Variants in OSBPL11 observed in about 807,000 individuals in gnomAD.
The protein encoded by OSBPL11 is oxysterol-binding protein-related protein 11.
OSBPL11 carries 33 observed loss-of-function variants against 84.4 expected under a neutral mutation model. The ratio of observed to expected loss-of-function variants is 0.39; its 90% CI spans 0.30 to 0.52. OSBPL11 has a LOEUF of 0.52. Among genes scored for constraint, OSBPL11 ranks in the 20% least tolerant of loss-of-function variants. The pLI, the probability that OSBPL11 is intolerant of heterozygous loss-of-function variation, is 0.72. For synonymous variants in OSBPL11, 276 were observed against 310.2 expected (o/e 0.89, Z 1.16); for missense variants, 736 against 901.1 (o/e 0.82, Z 2.35).
intron 10 of OSBPL11, among the ~76,000 whole-genome samples, chr3:125,544,905 AT>A (rs1341213334): frequency 6.6e-6 from 1 of 152,262 alleles, no homozygotes; most frequent in East Asian, 1.9e-4. Flanking sequence ...TAAATCTTAC[AT>A]TCTTGTCCCA....
In OSBPL11 at chr3:125,538,603, G is replaced by A. The variant is rs1203059361; in HGVS notation, c.1872C>T (p.Thr624=). 1.2e-6 allele frequency: 2 copies of A among 1,611,370 alleles called. No individual in the cohort carries two copies. The highest frequency in any genetic ancestry group is 2.2e-5 in the East Asian group (1 of 44,762). ...RVTAEVKHNI[T]NTVVCRVQGE... ...CTTGCACTCTGCATACCACAGTGTT[G>A]GTGATGTTGTGCTTTACTTCAGCTG... Residue 624 remains threonine, a synonymous_variant, in exon 11 of 13, where the codon ACC becomes ACT. Transcript: ENST00000296220.
In OSBPL11 at chr3:125,578,984, C is replaced by T; in HGVS notation, c.465G>A (p.Gln155=). The change falls in exon 4 of 13, where the codon CAG becomes CAA. Residue 155 remains glutamine, a synonymous_variant. Transcript: ENST00000296220. ...HWVSRLQICT[Q]HHTEAIGKNN... ...CCTTTCCAATAGCTTCAGTATGATG[C>T]TGTGTACATATCTGAAGTCTGCTAA... The T allele has an allele frequency of 1.3e-6, 2 of 1,588,468 alleles. No homozygotes were observed. Among genetic ancestry groups the T allele is most frequent in the Non-Finnish European group, 8.6e-7 (1 of 1,166,032 alleles).
At chr3:125,577,753 C>T (rs1196296560) in intron 4 of OSBPL11, among the ~76,000 whole-genome samples, 2 of 151,726 alleles carry the variant, frequency 1.3e-5, no homozygotes, top group African/African-American at 2.4e-5. Flanking sequence ...TGCTTAAACT[C>T]GGGAGGCGGT....
intron 4 of OSBPL11, among the ~76,000 whole-genome samples, chr3:125,577,513 G>C (rs959101407): frequency 1.3e-5 from 2 of 152,066 alleles, no homozygotes; most frequent in African/African-American, 4.8e-5. Flanking sequence ...ACAATAACAA[G>C]TGTCGGCAAG....
chr3:125,563,594 A>C, intron 7 of OSBPL11, 104 bp downstream of exon 7: 1 of 1,059,038 alleles, frequency 9.4e-7, no homozygotes. Context: ...AGTGTTGCTC[A>C]GGTGTTAAGT....
At chr3:125,534,951 GAAAAA>G (rs56164804) in intron 11 of OSBPL11, among the ~76,000 whole-genome samples, 28 of 64,656 alleles carry the variant, frequency 4.3e-4, no homozygotes, top group African/African-American at 2.0e-3. Flanking sequence ...TAAGAAATTA[GAAAAA>G]AAAAAAAAAA....
chr3:125,580,264 C>G lies in OSBPL11; in HGVS notation c.234-224G>C, dbSNP rs1338415174. ...GCGCAGTGGCTCACGCCTCTAATCC[C>G]AGCACTTTGGGAGGCAGAGGCGAGC... is the stretch of plus-strand genomic sequence containing the variant. On this transcript the variant is annotated intron_variant, in intron 2 of 12. Coordinates refer to ENST00000296220, the MANE Select transcript of OSBPL11 (RefSeq NM_022776.5). Among the ~76,000 whole-genome samples, 7 of 152,158 alleles carry G rather than the reference C, an allele frequency of 4.6e-5. No individual in the cohort carries two copies. The East Asian group carries it at 1.3e-3, about 29-fold the overall frequency.
chr3:125,562,318 T>C (rs752722783), intron 7 of OSBPL11, among the ~76,000 whole-genome samples: 11 of 152,244 alleles, frequency 7.2e-5, no homozygotes, highest in Non-Finnish European at 1.5e-4. Context: ...GCTTCTCCTC[T>C]AATTCTTAGC....
chr3:125,537,175 A>AAG (rs1267618543), intron 11 of OSBPL11, among the ~76,000 whole-genome samples: 3 of 151,824 alleles, frequency 2.0e-5, no homozygotes, highest in Admixed American at 2.0e-4. Context: ...AAAAAAAAAA[A>AAG]AAAGACATGT....
At chr3:125,547,696 T>TAC in intron 9 of OSBPL11, 104 bp from the exon 10 acceptor site, 2 of 850,122 alleles carry the variant, frequency 2.4e-6, no homozygotes, top group Non-Finnish European at 3.5e-6. Flanking sequence ...CATCATTATT[T>TAC]TTCCTAACCT....
At chr3:125,542,450 C>T (rs1935744137) in intron 10 of OSBPL11, among the ~76,000 whole-genome samples, 1 of 151,924 alleles carries the variant, frequency 6.6e-6, no homozygotes, top group South Asian at 2.1e-4. Context: ...ATACTCCTGC[C>T]TCAGCCTCCC....
chr3:125,586,207 T>G (rs1936508053), intron 1 of OSBPL11, among the ~76,000 whole-genome samples: 1 of 152,232 alleles, frequency 6.6e-6, no homozygotes, highest in African/African-American at 2.4e-5. Flanking sequence ...CTATTTTGTG[T>G]TCTATAAAAT....
In OSBPL11 at chr3:125,579,061, T is replaced by G. The variant is rs754020507; in HGVS notation, c.410-22A>C. 6.7e-6 allele frequency: 10 copies of G among 1,493,002 alleles called. No homozygotes were observed. The Admixed American group carries it at 1.9e-4, about 28-fold the overall frequency. 92.5% of individuals were successfully genotyped at this position (1,493,002 alleles called of 1,614,324 possible). A position where few individuals can be genotyped will look rare whatever the true frequency, so the allele number is the denominator to read the frequency against. Reference sequence around the variant, plus strand: ...GTAGCTGTTAAAAGAATGTAAAAATTATTTTATATTTATTTATTCTGGAAC... The same window carrying G: ...GTAGCTGTTAAAAGAATGTAAAAATGATTTTATATTTATTTATTCTGGAAC... On this transcript the variant is annotated intron_variant, in intron 3 of 12. Transcript: ENST00000296220.
chr3:125,536,225 A>C (rs60471680), intron 11 of OSBPL11, among the ~76,000 whole-genome samples: 17,132 of 152,138 alleles, frequency 0.11, 2,153 homozygotes, highest in African/African-American at 0.31. Context: ...CAATTCTTTC[A>C]TACTGTTTCA....
chr3:125,564,992 T>C (rs1486382183), intron 6 of OSBPL11, among the ~76,000 whole-genome samples: 1 of 152,230 alleles, frequency 6.6e-6, no homozygotes, highest in African/African-American at 2.4e-5. Flanking sequence ...CAAGTATTTA[T>C]TGAGCATCTA....
intron 8 of OSBPL11, among the ~76,000 whole-genome samples, chr3:125,556,681 T>C (rs1314809944): frequency 2.0e-5 from 3 of 152,248 alleles, no homozygotes; most frequent in Non-Finnish European, 4.4e-5. Flanking sequence ...TGGGAGCTGC[T>C]TTCTACAAAT....
At chr3:125,580,770 AAGGCAAGATATACT>A (rs1332823560) in intron 2 of OSBPL11, among the ~76,000 whole-genome samples, 2 of 152,178 alleles carry the variant, frequency 1.3e-5, no homozygotes, top group Non-Finnish European at 2.9e-5. Context: ...CTCTGAGGTT[AAGGCAAGATATACT>A]AGGCAAGATA....
At chr3:125,589,694 A>T (rs13324039) in intron 1 of OSBPL11, among the ~76,000 whole-genome samples, 21,694 of 151,958 alleles carry the variant, frequency 0.14, 1,643 homozygotes, top group African/African-American at 0.2. Flanking sequence ...CTCTAAGACC[A>T]TGAACATTCA....
In OSBPL11 at chr3:125,530,519, TCTG is replaced by T; in HGVS notation, c.2237_2239del (p.Ala746del). The T allele has an allele frequency of 2.5e-6, 4 of 1,613,688 alleles. No homozygotes were observed. Among genetic ancestry groups the T allele is most frequent in the Non-Finnish European group, 3.4e-6 (4 of 1,179,586 alleles). On this transcript the variant is annotated inframe_deletion, in exon 13 of 13. Coordinates refer to ENST00000296220, the MANE Select transcript of OSBPL11 (RefSeq NM_022776.5). The stretch of plus-strand genomic sequence containing the variant: ...TCGAGTTTTAGATAGTATGTGTCAC[TCTG>T]CTGGTTGTGTTGTTGGAATTATTTT...
Sources: gnomAD v4.1 joint callset for allele counts (sites outside exome capture counted in the v4.1 genomes callset) on GRCh38, gnomAD v4.1.1 for gene constraint, MANE v1.5 for transcripts, NCBI Gene and HGNC (gene_info 2026-07-23, HGNC 2026-07-21) for gene names.